BRD4: variants seen among roughly 807,000 people sequenced by gnomAD.
BRD4 encodes the protein bromodomain-containing protein 4.
In BRD4, 16 loss-of-function variants were observed where a neutral mutation model predicts 142.1. The observed-to-expected ratio is 0.11, with a 90% CI of 0.08 to 0.17. BRD4 has a LOEUF of 0.17. BRD4 is among the 10% of genes least tolerant of loss of function. The probability of loss-of-function intolerance (pLI) is 1.00; values close to 1 mark genes in which losing one functional copy is unlikely to be tolerated. For synonymous variants in BRD4, 833 were observed against 707.5 expected (o/e 1.18, Z -2.82); for missense variants, 1,424 against 1,810.9 (o/e 0.79, Z 3.88).
chr19:15,252,188 G>A (rs966311121), intron 11 of BRD4, among the ~76,000 whole-genome samples: 2 of 152,186 alleles, frequency 1.3e-5, no homozygotes, highest in African/African-American at 2.4e-5. Context: ...GAAGAGGGAC[G>A]CAGAGGCCAA....
At chr19:15,262,533 AAAAAAAAAAG>A (rs1568386985) in intron 7 of BRD4, among the ~76,000 whole-genome samples, 16 of 141,780 alleles carry the variant, frequency 1.1e-4, no homozygotes, top group African/African-American at 4.6e-4. Flanking sequence ...TTAAAAAAAA[AAAAAAAAAAG>A]AAAAAAAAAA....
chr19:15,245,990 G>A (rs2047282274), intron 11 of BRD4, among the ~76,000 whole-genome samples: 2 of 152,192 alleles, frequency 1.3e-5, no homozygotes, highest in African/African-American at 2.4e-5. Flanking sequence ...CAAAAGGGAT[G>A]GGGAAGGACC....
chr19:15,327,643 TGAATG>T (rs1456266232), intron 1 of BRD4, among the ~76,000 whole-genome samples: 1 of 152,086 alleles, frequency 6.6e-6, no homozygotes. Flanking sequence ...TCACCACTAA[TGAATG>T]GGTAAACAAA....
Position 15,267,515 on chromosome 19 carries a change from C to T in BRD4, c.460G>A (p.Glu154Lys). The change falls in exon 4 of 20, where the codon GAA becomes AAA. Residue 154 changes from glutamate to lysine, a missense_variant. Coordinates refer to ENST00000679869, the MANE Select transcript of BRD4 (RefSeq NM_001379291.1). ...DDIVLMAEAL[E>K]KLFLQKINEL... Reference sequence around the variant, plus strand: ...TTTATTTTTTGCAAGAAGAGCTTTTCCAGAGCTTCTGCCATTAAGACTATG... The same window carrying T: ...TTTATTTTTTGCAAGAAGAGCTTTTTCAGAGCTTCTGCCATTAAGACTATG... 6.2e-7 allele frequency: 1 copy of T among 1,614,012 alleles called. No homozygotes were observed. The highest frequency in any genetic ancestry group is 8.5e-7 in the Non-Finnish European group (1 of 1,180,020).
At chr19:15,270,010 T>C (rs1401233885) in intron 2 of BRD4, among the ~76,000 whole-genome samples, 2 of 152,238 alleles carry the variant, frequency 1.3e-5, no homozygotes, top group South Asian at 2.1e-4. Context: ...CCCCAATGAC[T>C]AGACCAGCTC....
chr19:15,237,885 C>G lies in BRD4; in HGVS notation c.*492G>C, dbSNP rs200524246. The G allele has an allele frequency of 1.7e-4, 40 of 237,746 alleles. 1 individual carries two copies. The highest frequency in any genetic ancestry group is 1.2e-4 in the Non-Finnish European group (15 of 121,208). The allele number at this position is 237,746 out of a possible 1,614,324, so 14.7% of individuals were successfully genotyped here. A position where few individuals can be genotyped will look rare whatever the true frequency, so the allele number is the denominator to read the frequency against. On this transcript the variant is annotated 3_prime_UTR_variant, in exon 20 of 20. Transcript: ENST00000679869. Reference sequence around the variant, plus strand: ...AGTGCCAGCGAGGGGGTGGGCCGGCCTCGCCCGCCTCCAGCCCACGCAGGC... The same window carrying G: ...AGTGCCAGCGAGGGGGTGGGCCGGCGTCGCCCGCCTCCAGCCCACGCAGGC...
At chr19:15,291,200 T>C (rs1313175247) in intron 1 of BRD4, among the ~76,000 whole-genome samples, 2 of 152,156 alleles carry the variant, frequency 1.3e-5, no homozygotes, top group Admixed American at 1.3e-4. Context: ...AAGAACAGAC[T>C]GCAAATCAGC....
At position 15,264,599 on chromosome 19, in the gene BRD4, C is replaced by T. The variant is rs1386735989; in HGVS notation, c.1017G>A (p.Gln339=). 2 of 1,614,072 alleles carry T rather than the reference C, an allele frequency of 1.2e-6. No homozygotes were observed. Among genetic ancestry groups the T allele is most frequent in the African/African-American group, 2.7e-5 (2 of 74,938 alleles). Reference sequence around the variant, plus strand: ...TGCTCTTCTCTGGTGCTGGGTGCTGCTGAGAGTCGGGCACGTCCTTCTTTG... The same window carrying T: ...TGCTCTTCTCTGGTGCTGGGTGCTGTTGAGAGTCGGGCACGTCCTTCTTTG... ...KPPKKDVPDS[Q]QHPAPEKSSK... is the part of the protein sequence containing the mutation. The change falls in exon 6 of 20, where the codon CAG becomes CAA. Residue 339 remains glutamine, a synonymous_variant. Coordinates refer to ENST00000679869, the MANE Select transcript of BRD4 (RefSeq NM_001379291.1).
chr19:15,319,940 A>G (rs2048047352), intron 1 of BRD4, among the ~76,000 whole-genome samples: 1 of 152,200 alleles, frequency 6.6e-6, no homozygotes, highest in South Asian at 2.1e-4. Flanking sequence ...TACCTCCAAA[A>G]CAAAACAAAA....
intron 11 of BRD4, chr19:15,253,576 C>T (rs1302258118): frequency 6.3e-7 from 1 of 1,576,356 alleles, no homozygotes; most frequent in African/African-American, 1.3e-5. Context: ...GCCAACACAG[C>T]AACGAGCACA....
At chr19:15,316,692 CT>C (rs2048021221) in intron 1 of BRD4, among the ~76,000 whole-genome samples, 1 of 152,342 alleles carries the variant, frequency 6.6e-6, no homozygotes, top group Admixed American at 6.5e-5. Flanking sequence ...AAATTCCACT[CT>C]TGTGAATGTC....
At chr19:15,327,466 C>T (rs2048117926) in intron 1 of BRD4, among the ~76,000 whole-genome samples, 1 of 152,262 alleles carries the variant, frequency 6.6e-6, no homozygotes, top group African/African-American at 2.4e-5. Context: ...AGTGCTTGAA[C>T]CCGGGGGGTG....
In BRD4 at chr19:15,263,558, A is replaced by G. The variant is rs2047497757; in HGVS notation, c.1213-10T>C. 6.2e-7 allele frequency: 1 copy of G among 1,614,038 alleles called. No individual in the cohort carries two copies. Among genetic ancestry groups the G allele is most frequent in the South Asian group, 1.1e-5 (1 of 91,082 alleles). Reference sequence around the variant, plus strand: ...GGGCCTCCAGTTTAGACTGGAAAACAAGACAAGTCCCTGTTAGCTGTGTCT... The same window carrying G: ...GGGCCTCCAGTTTAGACTGGAAAACGAGACAAGTCCCTGTTAGCTGTGTCT... On this transcript the variant is annotated splice_polypyrimidine_tract_variant and intron_variant, in intron 6 of 19. Coordinates refer to ENST00000679869, the MANE Select transcript of BRD4 (RefSeq NM_001379291.1).
chr19:15,253,486 AAAG>A (rs2047369950), intron 11 of BRD4: 2 of 1,446,610 alleles, frequency 1.4e-6, no homozygotes, highest in East Asian at 2.5e-5. Context: ...CGGGGCTTGA[AAAG>A]AAGGGACTGT....
chr19:15,316,498 G>A (rs936872628), intron 1 of BRD4, among the ~76,000 whole-genome samples: 13 of 152,098 alleles, frequency 8.5e-5, no homozygotes, highest in African/African-American at 3.1e-4. Flanking sequence ...GGCTGAGGCA[G>A]GAGAATCACC....
chr19:15,295,517 T>C (rs1466552122), intron 1 of BRD4, among the ~76,000 whole-genome samples: 6 of 152,202 alleles, frequency 3.9e-5, no homozygotes, highest in Non-Finnish European at 4.4e-5. Context: ...TCACAGGGTA[T>C]CTACTTAATG....
intron 1 of BRD4, among the ~76,000 whole-genome samples, chr19:15,295,451 C>T (rs1454726361): frequency 6.6e-6 from 1 of 152,210 alleles, no homozygotes; most frequent in Non-Finnish European, 1.5e-5. Context: ...TAATTTCAAG[C>T]CTGCCTTGGG....
At chr19:15,263,815 G>A (rs982866271) in intron 6 of BRD4, among the ~76,000 whole-genome samples, 2 of 152,184 alleles carry the variant, frequency 1.3e-5, no homozygotes, top group African/African-American at 4.8e-5. Context: ...CAGAAATGAC[G>A]GGGAGAACTG....
chr19:15,241,725 G>A (rs2047239350), intron 14 of BRD4, among the ~76,000 whole-genome samples: 1 of 152,022 alleles, frequency 6.6e-6, no homozygotes, highest in Non-Finnish European at 1.5e-5. Flanking sequence ...ACAGCTGCCA[G>A]GCCCAACACC....
Sources: allele counts gnomAD v4.1 joint callset (sites outside exome capture counted in the v4.1 genomes callset), GRCh38; gene constraint gnomAD v4.1.1; transcripts MANE v1.5; gene names NCBI Gene and HGNC (gene_info 2026-07-23, HGNC 2026-07-21).